The following WAPL variants were observed in gnomAD, a reference collection of about 807,000 sequenced individuals.
The protein encoded by WAPL is wings apart-like protein homolog.
Under a neutral mutation model 121.0 loss-of-function variants are expected in WAPL, and 5 were observed. The observed-to-expected ratio is 0.04, with a 90% CI of 0.02 to 0.09. The LOEUF (loss-of-function observed/expected upper bound fraction) is 0.09. WAPL is among the 10% of genes least tolerant of loss of function. WAPL has a pLI of 1.00. For synonymous variants in WAPL, 480 were observed against 481.5 expected, an observed-to-expected ratio of 1.00 and a Z score of 0.04; for missense variants, 999 against 1,410.8, an observed-to-expected ratio of 0.71 and a Z score of 4.68.
chr10:86,444,165 A>G (rs767777893), intron 16 of WAPL: 2 of 152,236 alleles, frequency 1.3e-5, no homozygotes, highest in African/African-American at 2.4e-5. Flanking sequence ...CCACAATGAG[A>G]TATCATGTCA....
At chr10:86,462,374 C>T (rs969395226) in intron 9 of WAPL, among the ~76,000 whole-genome samples, 2 of 152,062 alleles carry the variant, frequency 1.3e-5, no homozygotes, top group African/African-American at 4.8e-5. Flanking sequence ...AACCTTAAGA[C>T]TGCACATTTA....
intron 15 of WAPL, among the ~76,000 whole-genome samples, chr10:86,448,038 ACT>A (rs769258988): frequency 7.2e-5 from 11 of 151,828 alleles, no homozygotes; most frequent in Non-Finnish European, 1.6e-4. Context: ...ACAGAGCAAG[ACT>A]CTGTCTCCAA....
At chr10:86,507,922 T>C (rs1290456736) in intron 2 of WAPL, among the ~76,000 whole-genome samples, 1 of 152,164 alleles carries the variant, frequency 6.6e-6, no homozygotes. Context: ...ACACCCTAAA[T>C]TCCCTTGCTT....
chr10:86,452,125 C>T lies in WAPL; in HGVS notation c.2956G>A (p.Gly986Ser). The change falls in exon 15 of 19, where the codon GGT becomes AGT. Residue 986 changes from glycine to serine, a missense_variant. Physicochemically the swap from Gly to Ser is moderately conservative, Grantham distance 56 (BLOSUM62 0). Around this residue, in one of 7 missense-constraint regions of WAPL, gnomAD observed 85 missense variants for 133.5 expected, o/e 0.64. Transcript: ENST00000298767. The part of the protein sequence containing the change: ...QRFDIRVLGL[G>S]LLINLVEYSA... Reference sequence around the variant, plus strand: ...TACTCCACTAGATTTATCAGCAGACCTAAGCCCTTCAAAAAGTTTAAAAGA... The same window carrying T: ...TACTCCACTAGATTTATCAGCAGACTTAAGCCCTTCAAAAAGTTTAAAAGA... 6.2e-7 allele frequency: 1 copy of T among 1,612,846 alleles called. No homozygotes were observed. Among genetic ancestry groups the T allele is most frequent in the Non-Finnish European group, 8.5e-7 (1 of 1,179,600 alleles).
At chr10:86,443,221 G>A (rs928168761) in intron 17 of WAPL, 54 bp downstream of exon 17, 28 of 1,393,510 alleles carry the variant, frequency 2.0e-5, no homozygotes, top group South Asian at 2.4e-5. Context: ...GTATGAAGTC[G>A]TTACATTGGA....
At chr10:86,475,801 G>A (rs1170324223) in intron 4 of WAPL, among the ~76,000 whole-genome samples, 8 of 152,206 alleles carry the variant, frequency 5.3e-5, no homozygotes, top group Non-Finnish European at 1.2e-4. Flanking sequence ...AGTACCTCAA[G>A]CATACTCAGA....
chr10:86,505,873 A>G (rs1842340074), intron 2 of WAPL, among the ~76,000 whole-genome samples: 1 of 152,210 alleles, frequency 6.6e-6, no homozygotes, highest in Non-Finnish European at 1.5e-5. Context: ...TTTCTGGGGC[A>G]TAATGGGGAC....
chr10:86,488,796 T>C (rs893555311), intron 4 of WAPL, among the ~76,000 whole-genome samples: 1 of 152,176 alleles, frequency 6.6e-6, no homozygotes, highest in African/African-American at 2.4e-5. Flanking sequence ...TACCTAACAC[T>C]ACAAGGCCAA....
intron 4 of WAPL, among the ~76,000 whole-genome samples, chr10:86,479,798 G>A (rs1841740196): frequency 6.6e-6 from 1 of 152,070 alleles, no homozygotes; most frequent in African/African-American, 2.4e-5. Flanking sequence ...TACTTTAGCG[G>A]CAATTCAAAA....
At chr10:86,473,773 TGTTAAATAGAAAA>T (rs1841589021) in intron 5 of WAPL, 92 bp downstream of exon 5, 1 of 879,658 alleles carries the variant, frequency 1.1e-6, no homozygotes, top group African/African-American at 1.7e-5. Context: ...CAAAATAAAC[TGTTAAATAGAAAA>T]GTCAAAGATT....
intron 2 of WAPL, among the ~76,000 whole-genome samples, chr10:86,505,671 T>C (rs1396284257): frequency 1.3e-5 from 2 of 152,162 alleles, no homozygotes; most frequent in Non-Finnish European, 2.9e-5. Flanking sequence ...TAAATGCATA[T>C]ACATATTTTT....
At chr10:86,505,304 TTTTTTTTTTTTTTTTTTTTTTGGAGACAG>T (rs1355562423) in intron 2 of WAPL, among the ~76,000 whole-genome samples, 3 of 130,974 alleles carry the variant, frequency 2.3e-5, no homozygotes. Flanking sequence ...CCAACTCTTT[TTTTTTTTTTTTTTTTTTTTTTGGAGACAG>T]AGTCTTGCTC....
chr10:86,472,440 T>A lies in WAPL; in HGVS notation c.1894-96A>T. 34 of 1,518,132 alleles carry A rather than the reference T, an allele frequency of 2.2e-5. No homozygotes were observed. Among genetic ancestry groups the A allele is most frequent in the Non-Finnish European group, 3.0e-5 (34 of 1,132,008 alleles). 94.0% of individuals were successfully genotyped at this position (1,518,132 alleles called of 1,614,324 possible). The stretch of plus-strand genomic sequence containing the variant: ...ACTTTACATAAGTGCATAAAATAGT[T>A]CATTAGATGGCAACAAAAATATTTT... On this transcript the variant is annotated intron_variant, in intron 6 of 18. Transcript: ENST00000298767. The surrounding 1 kb of genome is among the most constrained non-coding windows in gnomAD (Gnocchi z 4.2).
At chr10:86,509,175 C>T (rs1842409237) in intron 2 of WAPL, among the ~76,000 whole-genome samples, 1 of 152,166 alleles carries the variant, frequency 6.6e-6, no homozygotes, top group Non-Finnish European at 1.5e-5. Flanking sequence ...CTAATCAAGG[C>T]TTCTTATCTC....
At chr10:86,462,490 C>T (rs371544185) in intron 9 of WAPL, among the ~76,000 whole-genome samples, 1 of 151,880 alleles carries the variant, frequency 6.6e-6, no homozygotes, top group African/African-American at 2.4e-5. Context: ...GAGGCCGAGG[C>T]GGGCTGATCA....
Position 86,461,185 on chromosome 10 carries a change from C to T in WAPL, c.2473G>A (p.Val825Ile). 6.2e-7 allele frequency: 1 copy of T among 1,610,114 alleles called. No individual in the cohort carries two copies. Among genetic ancestry groups the T allele is most frequent in the South Asian group, 1.1e-5 (1 of 90,600 alleles). ...LRLLGGLDHI[V>I]DKVKECVDHL... The stretch of plus-strand genomic sequence containing the variant: ...AATGTAAATATCATACCTTTATCTA[C>T]AATATGATCCAGACCACCCAAAAGC... Residue 825 changes from valine (V) to isoleucine (I), a missense_variant, in exon 10 of 19, where the codon GTA becomes ATA. Val to Ile is a conservative substitution (Grantham distance 29). Around this residue, in one of 7 missense-constraint regions of WAPL, gnomAD observed 118 missense variants for 318.3 expected, o/e 0.37. Transcript: ENST00000298767.
At chr10:86,512,994 A>G (rs1842493929) in intron 2 of WAPL, among the ~76,000 whole-genome samples, 1 of 152,018 alleles carries the variant, frequency 6.6e-6, no homozygotes, top group Admixed American at 6.6e-5. Context: ...TGGTTCCCTT[A>G]CCCACCAAGC....
chr10:86,460,340 TACAC>T (rs71990120), intron 11 of WAPL, 55 bp downstream of exon 11: 142,527 of 1,395,530 alleles, frequency 0.1, 7,805 homozygotes, highest in African/African-American at 0.16. Context: ...GTCTCTCTCT[TACAC>T]ACACAATCAC....
rs1368239710 is a variant in WAPL at position 86,491,044 on chromosome 10, CAG to C, written c.1644+6155_1644+6156del. Among the ~76,000 whole-genome samples the C allele has an allele frequency of 4.7e-5, 7 of 150,314 alleles. 1 individual carries two copies. Among genetic ancestry groups the C allele is most frequent in the African/African-American group, 9.8e-5 (4 of 40,830 alleles). On this transcript the variant is annotated intron_variant, in intron 4 of 18. Coordinates refer to ENST00000298767, the MANE Select transcript of WAPL (RefSeq NM_015045.5). ...TGCCACCGCACTCCAGCCTGGGTGA[CAG>C]AGCAAGACTCTGTCTTAAATAAATA...
Sources: allele counts gnomAD v4.1 joint callset (sites outside exome capture counted in the v4.1 genomes callset), GRCh38; gene constraint gnomAD v4.1.1; regional missense constraint gnomAD v4.1.1; non-coding constraint Gnocchi (gnomAD v3.1); transcripts MANE v1.5; gene names NCBI Gene and HGNC (gene_info 2026-07-23, HGNC 2026-07-21).